Variants in CWC27 observed in about 807,000 individuals in gnomAD.
CWC27 encodes the protein spliceosome-associated protein CWC27 homolog.
A neutral mutation model predicts 63.6 loss-of-function variants in CWC27; 47 were observed. The ratio of observed to expected loss-of-function variants is 0.74; its 90% CI spans 0.58 to 0.94. CWC27 has a LOEUF of 0.94. Among genes scored for constraint, CWC27 ranks in the 40% least tolerant of loss-of-function variants. CWC27 has a pLI of 0.00. For missense variants in CWC27, 495 were observed against 554.3 expected (o/e 0.89, Z 1.07); for synonymous variants, 175 against 179.8 (o/e 0.97, Z 0.22).
intron 10 of CWC27, chr5:64,805,024 T>C (rs1744613308): frequency 6.6e-6 from 1 of 152,064 alleles, no homozygotes; most frequent in African/African-American, 2.4e-5. Context: ...ATAGTATACA[T>C]TTTAAATAAT....
intron 11 of CWC27, among the ~76,000 whole-genome samples, chr5:64,894,518 C>A (rs1265268826): frequency 6.6e-6 from 1 of 152,026 alleles, no homozygotes; most frequent in Non-Finnish European, 1.5e-5. Flanking sequence ...AAATCTACAC[C>A]TTTTTAAAGA....
chr5:64,837,879 G>A (rs1261838334), intron 10 of CWC27, among the ~76,000 whole-genome samples: 2 of 152,010 alleles, frequency 1.3e-5, no homozygotes, highest in African/African-American at 2.4e-5. Context: ...TTCAGAAGAC[G>A]TTTTAACCTT....
chr5:65,006,986 GAAAGAAAGAAAGAAAGAAAGA>G (rs1202197626), intron 13 of CWC27, among the ~76,000 whole-genome samples: 3 of 147,442 alleles, frequency 2.0e-5, no homozygotes, highest in Non-Finnish European at 3.0e-5. Flanking sequence ...AAGAAAGAAA[GAAAGAAAGAAAGAAAGAAAGA>G]AAGAAAGAAA....
At chr5:64,809,648 T>C (rs1455169267) in intron 10 of CWC27, among the ~76,000 whole-genome samples, 1 of 152,220 alleles carries the variant, frequency 6.6e-6, no homozygotes, top group Admixed American at 6.5e-5. Flanking sequence ...ATTATAGGCG[T>C]GAGCTACTGT....
At chr5:64,804,535 A>C in intron 10 of CWC27, 149 bp downstream of exon 10, 1 of 729,060 alleles carries the variant, frequency 1.4e-6, no homozygotes, top group African/African-American at 1.8e-5. Context: ...GCCCATTAGC[A>C]GGCCTAAAAT....
In CWC27 at chr5:64,804,359, A is replaced by T; in HGVS notation, c.911A>T (p.Glu304Val). Residue 304 changes from glutamate (E) to valine (V), a missense_variant, in exon 10 of 14, where the codon GAA becomes GTA. By Grantham distance (121) the Glu-to-Val change is moderately radical. Around this residue, in one of 3 missense-constraint regions of CWC27, gnomAD observed 463 missense variants for 498.1 expected, o/e 0.93. Transcript: ENST00000381070. ...SANVKSAGEGEVEKKSVSRSE... is the reference protein window; with the variant it reads ...SANVKSAGEGVVEKKSVSRSE... ...AATGTTAAATCAGCTGGAGAAGGAG[A>T]AGTGGAGAAGAAATCAGTCAGCCGC... The T allele has an allele frequency of 1.2e-6, 2 of 1,611,830 alleles. No individual in the cohort carries two copies. Among genetic ancestry groups the T allele is most frequent in the South Asian group, 2.2e-5 (2 of 90,852 alleles).
chr5:65,008,291 A>G (rs1749886962), intron 13 of CWC27, among the ~76,000 whole-genome samples: 1 of 152,236 alleles, frequency 6.6e-6, no homozygotes, highest in Non-Finnish European at 1.5e-5. Context: ...ACTGTTCTAA[A>G]AATAGTCTAT....
chr5:64,925,383 C>A (rs1318309119), intron 11 of CWC27, among the ~76,000 whole-genome samples: 2 of 152,156 alleles, frequency 1.3e-5, no homozygotes, highest in African/African-American at 4.8e-5. Flanking sequence ...TCATGCTTTC[C>A]CTTTCATGGG....
intron 1 of CWC27, among the ~76,000 whole-genome samples, chr5:64,771,937 C>T (rs1743272053): frequency 6.6e-6 from 1 of 152,134 alleles, no homozygotes; most frequent in African/African-American, 2.4e-5. Context: ...GCCAAAAAAC[C>T]ACGTAATAAT....
At chr5:64,926,484 T>C (rs1173314389) in intron 11 of CWC27, among the ~76,000 whole-genome samples, 1 of 151,964 alleles carries the variant, frequency 6.6e-6, no homozygotes. Flanking sequence ...AATTAATCCA[T>C]ATTTATTGAA....
At chr5:64,982,110 A>G (rs1235850532) in intron 13 of CWC27, among the ~76,000 whole-genome samples, 1 of 152,204 alleles carries the variant, frequency 6.6e-6, no homozygotes, top group African/African-American at 2.4e-5. Flanking sequence ...AGCTGTCTGT[A>G]TCCAAAACAG....
At chr5:64,980,075 C>CATTT (rs1749308067) in intron 13 of CWC27, among the ~76,000 whole-genome samples, 1 of 151,582 alleles carries the variant, frequency 6.6e-6, no homozygotes, top group Non-Finnish European at 1.5e-5. Context: ...ACTAACAAGG[C>CATTT]ATTTAAAGAA....
At chr5:65,004,935 CT>C (rs1749815452) in intron 13 of CWC27, among the ~76,000 whole-genome samples, 13 of 130,220 alleles carry the variant, frequency 1.0e-4, no homozygotes, top group Admixed American at 6.4e-4. Flanking sequence ...CACACACACA[CT>C]GTTGGTTGGG....
intron 10 of CWC27, among the ~76,000 whole-genome samples, chr5:64,869,241 A>G (rs1372720731): frequency 1.3e-5 from 2 of 152,126 alleles, no homozygotes; most frequent in Non-Finnish European, 2.9e-5. Flanking sequence ...ATTCTATAAA[A>G]TGGTAGTTTT....
chr5:64,965,582 A>G (rs539264443), intron 11 of CWC27, among the ~76,000 whole-genome samples: 1 of 152,334 alleles, frequency 6.6e-6, no homozygotes, highest in East Asian at 1.9e-4. Context: ...GTGAAACAAG[A>G]GTTACCTTAC....
chr5:64,921,477 A>T (rs1747996033), intron 11 of CWC27, among the ~76,000 whole-genome samples: 1 of 152,136 alleles, frequency 6.6e-6, no homozygotes, highest in African/African-American at 2.4e-5. Flanking sequence ...GTTTAAGTAC[A>T]GAATAACCCC....
chr5:64,777,719 A>G (rs1743506237), intron 2 of CWC27, among the ~76,000 whole-genome samples: 1 of 152,112 alleles, frequency 6.6e-6, no homozygotes, highest in South Asian at 2.1e-4. Context: ...GCTTTTTCAA[A>G]ACACTTGTGA....
intron 10 of CWC27, among the ~76,000 whole-genome samples, chr5:64,826,597 T>C (rs1745367393): frequency 6.6e-6 from 1 of 152,152 alleles, no homozygotes; most frequent in Admixed American, 6.6e-5. Context: ...TTTGACAGGA[T>C]TGCATTCTTG....
At chr5:64,982,571 C>T (rs926213690) in intron 13 of CWC27, among the ~76,000 whole-genome samples, 5 of 151,970 alleles carry the variant, frequency 3.3e-5, no homozygotes, top group Non-Finnish European at 7.4e-5. Flanking sequence ...CTTCCCGCTT[C>T]GGCCTCCCAA....
Sources: allele counts gnomAD v4.1 joint callset (sites outside exome capture counted in the v4.1 genomes callset), GRCh38; gene constraint gnomAD v4.1.1; regional missense constraint gnomAD v4.1.1; transcripts MANE v1.5; gene names NCBI Gene and HGNC (gene_info 2026-07-23, HGNC 2026-07-21).